BAD: variants seen among roughly 807,000 people sequenced by gnomAD.
The protein encoded by BAD is BCL2 associated agonist of cell death.
BAD carries 18 observed loss-of-function variants against 17.8 expected under a neutral mutation model. That is an observed-to-expected ratio of 1.01 (90% CI 0.70 to 1.50). BAD has a LOEUF of 1.50. Among genes scored for constraint, BAD ranks in the 40% most tolerant of loss-of-function variants. The pLI, the probability that BAD is intolerant of heterozygous loss-of-function variation, is 0.00. For missense variants in BAD, 294 were observed against 239.3 expected, an observed-to-expected ratio of 1.23 and a Z score of -1.51; for synonymous variants, 112 against 91.5, an observed-to-expected ratio of 1.22 and a Z score of -1.28.
At position 64,271,734 on chromosome 11, in the gene BAD, A is replaced by T; in HGVS notation, c.257T>A (p.Met86Lys). Residue 86 changes from methionine to lysine, a missense_variant, in exon 3 of 4, where the codon ATG becomes AAG. Physicochemically the swap from Met to Lys is moderately conservative, Grantham distance 95. Transcript: ENST00000309032. ...CCGAAAGGGGCTGGGCTCCTCCCCC[A>T]TCCCTTCGTCGTCCTCCGTCCCCGC... ...YPAGTEDDEG[M>K]GEEPSPFRGR... 6.9e-7 allele frequency: 1 copy of T among 1,442,194 alleles called. No homozygotes were observed. 89.3% of individuals were successfully genotyped at this position (1,442,194 alleles called of 1,614,324 possible).
At chr11:64,284,437 GCAGAGGCAGGTA>G in intron 1 of BAD, 61 bp from the exon 2 acceptor site, 1 of 1,604,998 alleles carries the variant, frequency 6.2e-7, no homozygotes, top group Non-Finnish European at 8.5e-7. Flanking sequence ...GCCCTGGAAG[GCAGAGGCAGGTA>G]CCCCTGGCTT....
intron 2 of BAD, among the ~76,000 whole-genome samples, chr11:64,282,787 G>C (rs1372242473): frequency 2.6e-5 from 4 of 151,430 alleles, no homozygotes; most frequent in Non-Finnish European, 4.4e-5. Context: ...GCTGAGGCAG[G>C]AGAACTGCTT....
chr11:64,273,855 CAAAAAAAAAA>C lies in BAD; in HGVS notation c.188-2062_188-2053del, dbSNP rs34577596. Among the ~76,000 whole-genome samples the C allele has an allele frequency of 1.5e-4, 8 of 54,820 alleles. No individual in the cohort carries two copies. In the East Asian group the frequency reaches 2.0e-3, roughly 14 times the overall value. 36.0% of individuals were successfully genotyped at this position (54,820 alleles called of 152,430 possible). ...CAAGATCACGCCACTGCACCCATCT[CAAAAAAAAAA>C]AAAAAAAAAAAAAAAGAGAGGCAGG... is the stretch of plus-strand genomic sequence containing the variant. On this transcript the variant is annotated intron_variant, in intron 2 of 3. Coordinates refer to ENST00000309032, the MANE Select transcript of BAD (RefSeq NM_032989.3).
rs144682603 is a variant in BAD at position 64,280,332 on chromosome 11, AAATAATAATAAT to A, written c.187+3838_187+3849del. Among the ~76,000 whole-genome samples, 5 of 123,510 alleles carry A rather than the reference AAATAATAATAAT, an allele frequency of 4.0e-5. No individual in the cohort carries two copies. In the Admixed American group the frequency reaches 4.3e-4, roughly 11 times the overall value. 81.0% of individuals were successfully genotyped at this position (123,510 alleles called of 152,430 possible). ...AAGACTCCATGTCAAAAATAAAATA[AAATAATAATAAT>A]AATAATAATAATAATTTTTTTTTTT... On this transcript the variant is annotated intron_variant, in intron 2 of 3. Transcript: ENST00000309032.
At chr11:64,283,589 G>A (rs2033629033) in intron 2 of BAD, among the ~76,000 whole-genome samples, 2 of 152,216 alleles carry the variant, frequency 1.3e-5, no homozygotes, top group South Asian at 4.1e-4. Context: ...ACGAGCCACA[G>A]GGCAAGAAAG....
At chr11:64,282,288 T>C (rs1265950509) in intron 2 of BAD, among the ~76,000 whole-genome samples, 1 of 152,006 alleles carries the variant, frequency 6.6e-6, no homozygotes, top group African/African-American at 2.4e-5. Flanking sequence ...AATGGCCAAG[T>C]GCAAGCTCAG....
Position 64,284,195 on chromosome 11 carries a change from G to A in BAD, c.174C>T (p.Ser58=). The change falls in exon 2 of 4, where the codon AGC becomes AGT. Residue 58 remains serine (S), a synonymous_variant. Transcript: ENST00000309032. ...TGGGGTACTTACCTCCATGATGGCT[G>A]CTGCTGGTTGGCTGCTCCTGCTGGT... ...ASHQQEQPTS[S]SHHGGAGAVE... The A allele has an allele frequency of 6.3e-7, 1 of 1,599,222 alleles. No individual in the cohort carries two copies. The highest frequency in any genetic ancestry group is 1.1e-5 in the South Asian group (1 of 90,542).
chr11:64,271,996 T>A (rs1279080177), intron 2 of BAD, 193 bp from the exon 3 acceptor site: 1 of 416,762 alleles, frequency 2.4e-6, no homozygotes, highest in African/African-American at 2.0e-5. Flanking sequence ...TGGTGAAGAT[T>A]TAGGTTAACT....
At chr11:64,284,100 G>A (rs906569739) in intron 2 of BAD, 82 bp downstream of exon 2, 8 of 1,467,994 alleles carry the variant, frequency 5.4e-6, no homozygotes, top group African/African-American at 2.8e-5. Context: ...AGCATTCAGT[G>A]CCTGTGGATG....
At chr11:64,282,814 G>C (rs1369951716) in intron 2 of BAD, among the ~76,000 whole-genome samples, 1 of 151,646 alleles carries the variant, frequency 6.6e-6, no homozygotes, top group Non-Finnish European at 1.5e-5. Flanking sequence ...AGGAGGCAGA[G>C]GTTGCAGTGA....
At position 64,269,919 on chromosome 11, in the gene BAD, T is replaced by A; in HGVS notation, c.*290A>T. 1 of 706,312 alleles carries A rather than the reference T, an allele frequency of 1.4e-6. No individual in the cohort carries two copies. The highest frequency in any genetic ancestry group is 2.6e-6 in the Non-Finnish European group (1 of 391,020). 43.8% of individuals were successfully genotyped at this position (706,312 alleles called of 1,614,324 possible). A position where few individuals can be genotyped will look rare whatever the true frequency, so the allele number is the denominator to read the frequency against. ...GCTCGGGTCCCGGTGACGCAACGGT[T>A]AAACCTGGCTCGCGACTTAGCGCAG... On this transcript the variant is annotated 3_prime_UTR_variant, in exon 4 of 4. Coordinates refer to ENST00000309032, the MANE Select transcript of BAD (RefSeq NM_032989.3).
intron 2 of BAD, chr11:64,275,673 G>T (rs957500797): frequency 6.6e-6 from 1 of 152,096 alleles, no homozygotes; most frequent in African/African-American, 2.4e-5. Flanking sequence ...TAAATACGCA[G>T]GAAACGGCAG....
In BAD at chr11:64,270,217, A is replaced by G. The variant is rs1359676374; in HGVS notation, c.499T>C (p.Ser167Pro). ...GGGATGTGGAGCGAAGGTCACTGGG[A>G]GGGGGCGGAGCTTCCCCTGCCCAAG... ...RNLGRGSSAPSQ is the reference protein window; with the variant it reads ...RNLGRGSSAPPQ Residue 167 changes from serine (S) to proline (P), a missense_variant, in exon 4 of 4, where the codon TCC (serine) becomes CCC (proline). Physicochemically the swap from Ser to Pro is moderately conservative, Grantham distance 74. Coordinates refer to ENST00000309032, the MANE Select transcript of BAD (RefSeq NM_032989.3). 1.2e-6 allele frequency: 2 copies of G among 1,613,408 alleles called. No individual in the cohort carries two copies. Among genetic ancestry groups the G allele is most frequent in the Non-Finnish European group, 1.7e-6 (2 of 1,179,572 alleles).
At chr11:64,284,693 C>A, upstream of BAD, 1 of 1,535,838 alleles carries the variant, frequency 6.5e-7, no homozygotes, top group Non-Finnish European at 8.7e-7. Context: ...CCCCGGGCTC[C>A]GGGCCCTAGT....
At chr11:64,277,102 T>C (rs577965787) in intron 2 of BAD, 533 of 667,018 alleles carry the variant, frequency 8.0e-4, no homozygotes, top group Non-Finnish European at 1.3e-3. Context: ...GCACACTGAA[T>C]TGCACACTTA....
In BAD at chr11:64,271,736, C is replaced by A; in HGVS notation, c.255G>T (p.Gly85=). ...GAAAGGGGCTGGGCTCCTCCCCCAT[C>A]CCTTCGTCGTCCTCCGTCCCCGCGG... The part of the protein sequence containing the change: ...SYPAGTEDDE[G]MGEEPSPFRG... The change falls in exon 3 of 4, where the codon GGG becomes GGT. Residue 85 remains glycine (G), a synonymous_variant. Transcript: ENST00000309032. 2 of 1,448,232 alleles carry A rather than the reference C, an allele frequency of 1.4e-6. No homozygotes were observed. Among genetic ancestry groups the A allele is most frequent in the Non-Finnish European group, 1.8e-6 (2 of 1,100,590 alleles). The allele number at this position is 1,448,232 out of a possible 1,614,324, so 89.7% of individuals were successfully genotyped here. A position where few individuals can be genotyped will look rare whatever the true frequency, so the allele number is the denominator to read the frequency against.
At chr11:64,284,456 G>T in intron 1 of BAD, 80 bp from the exon 2 acceptor site, 1 of 1,599,736 alleles carries the variant, frequency 6.3e-7, no homozygotes, top group Non-Finnish European at 8.5e-7. Context: ...GGTACCCCTG[G>T]CTTCCTCTCC....
At position 64,270,304 on chromosome 11, in the gene BAD, C is replaced by T. The variant is rs770069937; in HGVS notation, c.412G>A (p.Ala138Thr). The T allele has an allele frequency of 4.4e-6, 7 of 1,576,282 alleles. No homozygotes were observed. In the African/African-American group the frequency reaches 9.4e-5, roughly 21 times the overall value. Residue 138 changes from alanine to threonine, a missense_variant, in exon 4 of 4, where the codon GCA (alanine) becomes ACA (threonine). Coordinates refer to ENST00000309032, the MANE Select transcript of BAD (RefSeq NM_032989.3). ...GLPRPKSAGT[A>T]TQMRQSSSWT... Reference sequence around the variant, plus strand: ...CTGGAGCTTTGCCGCATCTGCGTTGCTGTGCCCGCGCTCTTCGGGCGAGGA... The same window carrying T: ...CTGGAGCTTTGCCGCATCTGCGTTGTTGTGCCCGCGCTCTTCGGGCGAGGA...
intron 1 of BAD, 99 bp downstream of exon 1, chr11:64,284,532 C>A: frequency 6.6e-7 from 1 of 1,522,848 alleles, no homozygotes; most frequent in South Asian, 1.2e-5. Context: ...TCTGGCCTGG[C>A]AGGGAGCTGA....
Sources: gnomAD v4.1 joint callset for allele counts (sites outside exome capture counted in the v4.1 genomes callset) on GRCh38, gnomAD v4.1.1 for gene constraint, MANE v1.5 for transcripts, NCBI Gene and HGNC (gene_info 2026-07-23, HGNC 2026-07-21) for gene names.